EVI5L: variants seen among roughly 807,000 people sequenced by gnomAD.
EVI5L encodes ecotropic viral integration site 5 like.
EVI5L carries 30 observed loss-of-function variants against 106.1 expected under a neutral mutation model. The ratio of observed to expected loss-of-function variants is 0.28; its 90% CI spans 0.21 to 0.38. EVI5L has a LOEUF of 0.38. Ranked by LOEUF, EVI5L falls within the 10% of genes least tolerant of loss-of-function variation. The pLI is 1.00. For synonymous variants in EVI5L, 489 were observed against 483.3 expected (o/e 1.01, Z -0.15); for missense variants, 809 against 1,098.0 (o/e 0.74, Z 3.72).
Position 7,864,444 on chromosome 19 carries a change from TCG to T in EVI5L, c.*746_*747del, listed in dbSNP as rs1980023339. 6.6e-6 allele frequency: 1 copy of T among 152,362 alleles called. No individual in the cohort carries two copies. The highest frequency in any genetic ancestry group is 1.5e-5 in the Non-Finnish European group (1 of 68,048). 9.4% of individuals were successfully genotyped at this position (152,362 alleles called of 1,614,324 possible). ...CCCCACATCTTTCTCTGGGAGACAC[TCG>T]CGCCCCCTATCCTGGCCAGTGATGG... On this transcript the variant is annotated 3_prime_UTR_variant, in exon 20 of 20. Coordinates refer to ENST00000538904, the MANE Select transcript of EVI5L (RefSeq NM_001159944.3). The surrounding 1 kb of genome is among the most constrained non-coding windows in gnomAD (Gnocchi z 4.5).
chr19:7,836,910 G>A (rs187617019), intron 1 of EVI5L, among the ~76,000 whole-genome samples: 1 of 150,690 alleles, frequency 6.6e-6, no homozygotes, highest in East Asian at 2.0e-4. Context: ...TGGGATTACA[G>A]ACATGAGCCA....
chr19:7,842,857 G>T (rs112529612), intron 1 of EVI5L, among the ~76,000 whole-genome samples: 2,080 of 151,668 alleles, frequency 0.014, 38 homozygotes, highest in African/African-American at 0.048. Flanking sequence ...GTATCTGAGT[G>T]TGTCCATGTG....
At position 7,863,311 on chromosome 19, in the gene EVI5L, C is replaced by G; in HGVS notation, c.2139+31C>G. 6.5e-7 allele frequency: 1 copy of G among 1,549,726 alleles called. No individual in the cohort carries two copies. Reference sequence around the variant, plus strand: ...CCGGCGCGGGGATGCCGGGGACAGGCCTGGGTGTCGTCGGCCTGGGACGAG... The same window carrying G: ...CCGGCGCGGGGATGCCGGGGACAGGGCTGGGTGTCGTCGGCCTGGGACGAG... On this transcript the variant is annotated intron_variant, in intron 19 of 19. Transcript: ENST00000538904. The surrounding 1 kb of genome is among the most constrained non-coding windows in gnomAD (Gnocchi z 7.7).
chr19:7,844,075 G>C (rs1978836242), intron 1 of EVI5L, among the ~76,000 whole-genome samples: 1 of 151,714 alleles, frequency 6.6e-6, no homozygotes, highest in Non-Finnish European at 1.5e-5. Flanking sequence ...AGGCTCGGCT[G>C]GGCGCGGTGG....
chr19:7,831,382 G>C (rs1203345804), intron 1 of EVI5L, among the ~76,000 whole-genome samples: 2 of 150,334 alleles, frequency 1.3e-5, no homozygotes, highest in East Asian at 3.9e-4. Context: ...CCCCTCCTCA[G>C]ATCCCACCTG....
At chr19:7,841,537 AAC>A (rs1317789923) in intron 1 of EVI5L, among the ~76,000 whole-genome samples, 12 of 152,052 alleles carry the variant, frequency 7.9e-5, no homozygotes, top group Non-Finnish European at 1.3e-4. Context: ...ACAACCCCCA[AAC>A]ACAGCCCCTT....
At position 7,863,225 on chromosome 19, in the gene EVI5L, A is replaced by G. The variant is rs768084079; in HGVS notation, c.2084A>G (p.Asp695Gly). 1 of 1,563,100 alleles carries G rather than the reference A, an allele frequency of 6.4e-7. No individual in the cohort carries two copies. Among genetic ancestry groups the G allele is most frequent in the South Asian group, 1.2e-5 (1 of 84,904 alleles). Residue 695 changes from aspartate to glycine, a missense_variant, in exon 19 of 20, where the codon GAC becomes GGC. This residue lies in a region of EVI5L where 452 missense variants were observed against 509.9 expected (regional missense o/e 0.89). Coordinates refer to ENST00000538904, the MANE Select transcript of EVI5L (RefSeq NM_001159944.3). The surrounding 1 kb of genome is among the most constrained non-coding windows in gnomAD (Gnocchi z 7.7). The part of the protein sequence containing the change: ...GRIQGQLNHS[D>G]SSQYIRELKD... ...ATCCAGGGCCAGCTGAACCACTCGGACTCATCGCAGTACATCCGCGAGCTC... is the reference window on the plus strand; with the variant it reads ...ATCCAGGGCCAGCTGAACCACTCGGGCTCATCGCAGTACATCCGCGAGCTC...
chr19:7,860,722 G>A (rs1979760407), intron 14 of EVI5L, 33 bp downstream of exon 14: 2 of 1,542,378 alleles, frequency 1.3e-6, no homozygotes, highest in Non-Finnish European at 1.7e-6. Context: ...CAGGTGTCGG[G>A]GGGACCCTGG....
intron 14 of EVI5L, 152 bp downstream of exon 14, chr19:7,860,841 G>A (rs1036045284): frequency 6.3e-6 from 6 of 956,090 alleles, no homozygotes; most frequent in African/African-American, 3.4e-5. Flanking sequence ...AACCCCACGC[G>A]GGGCATGCCC....
chr19:7,846,641 T>C lies in EVI5L; in HGVS notation c.99T>C (p.Asp33=), dbSNP rs923066394. The C allele has an allele frequency of 4.0e-5, 65 of 1,613,380 alleles. No individual in the cohort carries two copies. The highest frequency in any genetic ancestry group is 8.3e-5 in the Admixed American group (5 of 59,946). ...CTGACTCCGAGAACCTCAGCCCCGATGAGCTGGAGCTGCTGGCCAAGCTCG... is the reference window on the plus strand; with the variant it reads ...CTGACTCCGAGAACCTCAGCCCCGACGAGCTGGAGCTGCTGGCCAAGCTCG... ...PTSDSENLSP[D]ELELLAKLEE... is the part of the protein sequence containing the mutation. The change falls in exon 2 of 20, where the codon GAT becomes GAC. Residue 33 remains aspartate, a synonymous_variant. Transcript: ENST00000538904.
Position 7,863,902 on chromosome 19 carries a change from A to C in EVI5L, c.*200A>C, listed in dbSNP as rs2288429. The C allele has an allele frequency of 0.97, 657,129 of 674,562 alleles. 321,291 individuals carry two copies. Among genetic ancestry groups the C allele is most frequent in the Non-Finnish European group, 1 (430,768 of 431,226 alleles). 41.8% of individuals were successfully genotyped at this position (674,562 alleles called of 1,614,324 possible). ...CTCAGGGCCCCGGGGCAGGCTCTCT[A>C]TCCCCAGCAGTGTTTACCCATCTTG... On this transcript the variant is annotated 3_prime_UTR_variant, in exon 20 of 20. Transcript: ENST00000538904. This position sits in a 1 kb window ranked among gnomAD's most constrained non-coding sequence, Gnocchi z 7.7.
rs1979528441 is a variant in EVI5L, at chr19:7,856,467, G to A, written c.1200+399G>A. 6.6e-6 allele frequency among the ~76,000 whole-genome samples: 1 copy of A among 152,040 alleles called. No individual in the cohort carries two copies. Among genetic ancestry groups the A allele is most frequent in the Admixed American group, 6.5e-5 (1 of 15,290 alleles). On this transcript the variant is annotated intron_variant, in intron 11 of 19. Coordinates refer to ENST00000538904, the MANE Select transcript of EVI5L (RefSeq NM_001159944.3). This position sits in a 1 kb window ranked among gnomAD's most constrained non-coding sequence, Gnocchi z 6.6. ...GTCTTGCCCTCAAAAGAAAGGAAAG[G>A]AAACCCAGTGGAGGAGAAGCGTGGC... is the stretch of plus-strand genomic sequence containing the variant.
At chr19:7,842,884 T>G (rs1220147045) in intron 1 of EVI5L, among the ~76,000 whole-genome samples, 1 of 151,946 alleles carries the variant, frequency 6.6e-6, no homozygotes, top group African/African-American at 2.4e-5. Context: ...TGAATGTGCA[T>G]GGGTATGTGT....
intron 1 of EVI5L, among the ~76,000 whole-genome samples, chr19:7,831,845 C>A (rs1241210887): frequency 6.6e-6 from 1 of 152,216 alleles, no homozygotes; most frequent in Non-Finnish European, 1.5e-5. Context: ...CCCTGACAGC[C>A]CGAGAGTTCT....
intron 8 of EVI5L, among the ~76,000 whole-genome samples, chr19:7,852,258 G>C (rs566244139): frequency 6.6e-6 from 1 of 152,180 alleles, no homozygotes; most frequent in Non-Finnish European, 1.5e-5. Context: ...TCTGCTGTGC[G>C]GGCCCCTGCC....
chr19:7,856,217 T>A lies in EVI5L; in HGVS notation c.1200+149T>A. ...TACCTTCCTGCCCCAGGACCCGACC[T>A]GAACCCGATTTGGAGTGCCCTGCAA... On this transcript the variant is annotated intron_variant, in intron 11 of 19. Transcript: ENST00000538904. This position sits in a 1 kb window ranked among gnomAD's most constrained non-coding sequence, Gnocchi z 6.6. 1.3e-6 allele frequency: 1 copy of A among 742,396 alleles called. No homozygotes were observed. The highest frequency in any genetic ancestry group is 4.3e-5 in the Admixed American group (1 of 23,400). 46.0% of individuals were successfully genotyped at this position (742,396 alleles called of 1,614,324 possible).
In EVI5L at chr19:7,850,195, G is replaced by C; in HGVS notation, c.753+73G>C. ...GGTGGGCAGGGCCGCAAGGGAGCAGGATCGCAGAAGGGCAGGGCTGGCACC... is the reference window on the plus strand; with the variant it reads ...GGTGGGCAGGGCCGCAAGGGAGCAGCATCGCAGAAGGGCAGGGCTGGCACC... On this transcript the variant is annotated intron_variant, in intron 6 of 19. Transcript: ENST00000538904. This position sits in a 1 kb window ranked among gnomAD's most constrained non-coding sequence, Gnocchi z 5.4. The C allele has an allele frequency of 6.5e-7, 1 of 1,534,672 alleles. No individual in the cohort carries two copies. Among genetic ancestry groups the C allele is most frequent in the Non-Finnish European group, 8.8e-7 (1 of 1,140,762 alleles).
chr19:7,842,850 T>C (rs938942653), intron 1 of EVI5L, among the ~76,000 whole-genome samples: 4 of 151,444 alleles, frequency 2.6e-5, no homozygotes, highest in Non-Finnish European at 4.4e-5. Context: ...GGTGTGTGTA[T>C]CTGAGTGTGT....
chr19:7,846,706 G>GA (rs764003220), intron 2 of EVI5L, 27 bp downstream of exon 2: 6 of 1,606,184 alleles, frequency 3.7e-6, no homozygotes, highest in Non-Finnish European at 5.1e-6. Context: ...GGGATGGGGT[G>GA]AAATCTTGGG....
Sources: gnomAD v4.1 joint callset for allele counts (sites outside exome capture counted in the v4.1 genomes callset) on GRCh38, gnomAD v4.1.1 for gene constraint, gnomAD v4.1.1 regional missense constraint, Gnocchi (gnomAD v3.1) non-coding constraint, MANE v1.5 for transcripts, NCBI Gene and HGNC (gene_info 2026-07-23, HGNC 2026-07-21) for gene names.